Variants in ZNF428 observed in about 807,000 individuals in gnomAD.
ZNF428 encodes zinc finger protein 428.
Under a neutral mutation model 15.6 loss-of-function variants are expected in ZNF428, and 5 were observed. That is an observed-to-expected ratio of 0.32 (90% CI 0.17 to 0.67). The LOEUF is 0.67. ZNF428 is among the 30% of genes least tolerant of loss of function. The pLI, the probability that ZNF428 is intolerant of heterozygous loss-of-function variation, is 0.73. For missense variants in ZNF428, 237 were observed against 256.0 expected (o/e 0.93, Z 0.51); for synonymous variants, 97 against 102.2 (o/e 0.95, Z 0.31).
In ZNF428 at chr19:43,607,395, A is replaced by C. The variant is rs1737532459; in HGVS notation, c.*222T>G. 1 of 546,566 alleles carries C rather than the reference A, an allele frequency of 1.8e-6. No individual in the cohort carries two copies. The highest frequency in any genetic ancestry group is 3.9e-5 in the Admixed American group (1 of 25,624). The allele number at this position is 546,566 out of a possible 1,614,324, so 33.9% of individuals were successfully genotyped here. A position where few individuals can be genotyped will look rare whatever the true frequency, so the allele number is the denominator to read the frequency against. ...AATACACACACACACACACACACAC[A>C]AACACACACACGGGCGGGAATACAC... On this transcript the variant is annotated 3_prime_UTR_variant, in exon 3 of 3. Coordinates refer to ENST00000300811, the MANE Select transcript of ZNF428 (RefSeq NM_182498.4). The surrounding 1 kb of genome is among the most constrained non-coding windows in gnomAD (Gnocchi z 5.1).
chr19:43,612,487 G>A lies in ZNF428; in HGVS notation c.76+1742C>T, dbSNP rs1344804704. Reference sequence around the variant, plus strand: ...GGAGGGGCACACACAGCCGGGGTAGGACACCTGGCAGAAGGGGAAGCCGCA... The same window carrying A: ...GGAGGGGCACACACAGCCGGGGTAGAACACCTGGCAGAAGGGGAAGCCGCA... On this transcript the variant is annotated intron_variant, in intron 2 of 2. Coordinates refer to ENST00000300811, the MANE Select transcript of ZNF428 (RefSeq NM_182498.4). This position sits in a 1 kb window ranked among gnomAD's most constrained non-coding sequence, Gnocchi z 4.2. The A allele has an allele frequency of 1.0e-5, 16 of 1,551,254 alleles. No individual in the cohort carries two copies. The Admixed American group carries it at 3.1e-4, about 31-fold the overall frequency.
At chr19:43,616,505 A>C (rs1973373172) in intron 1 of ZNF428, among the ~76,000 whole-genome samples, 1 of 152,244 alleles carries the variant, frequency 6.6e-6, no homozygotes, top group South Asian at 2.1e-4. Flanking sequence ...AAACAGACAC[A>C]GAGGTGATAA....
chr19:43,608,886 C>A (rs1187791547), intron 2 of ZNF428, among the ~76,000 whole-genome samples: 3 of 147,268 alleles, frequency 2.0e-5, no homozygotes, highest in Non-Finnish European at 3.0e-5. Flanking sequence ...CGAGATCACA[C>A]AACTGCACTC....
At chr19:43,608,135 G>C in intron 2 of ZNF428, 28 bp from the exon 3 acceptor site, 1 of 1,591,312 alleles carries the variant, frequency 6.3e-7, no homozygotes, top group Non-Finnish European at 8.6e-7. Context: ...GGGGAAGACA[G>C]TGGTATCAGA....
In ZNF428 at chr19:43,607,572, TCCCAC is replaced by T; in HGVS notation, c.*40_*44del. 8.8e-7 allele frequency: 1 copy of T among 1,129,986 alleles called. No individual in the cohort carries two copies. The highest frequency in any genetic ancestry group is 1.2e-6 in the Non-Finnish European group (1 of 810,574). The allele number at this position is 1,129,986 out of a possible 1,614,324, so 70.0% of individuals were successfully genotyped here. ...AACCCCAATTTCCTCAGCCCCCTCC[TCCCAC>T]CCCACCCCTTCTGCCAAGCTCCCCG... is the stretch of plus-strand genomic sequence containing the variant. On this transcript the variant is annotated 3_prime_UTR_variant, in exon 3 of 3. Coordinates refer to ENST00000300811, the MANE Select transcript of ZNF428 (RefSeq NM_182498.4). This position sits in a 1 kb window ranked among gnomAD's most constrained non-coding sequence, Gnocchi z 5.1.
rs2146111465 is a variant in ZNF428 at position 43,607,351 on chromosome 19, CAAG to C, written c.*263_*265del. The C allele has an allele frequency of 7.2e-6, 3 of 419,492 alleles. No homozygotes were observed. The highest frequency in any genetic ancestry group is 4.1e-5 in the African/African-American group (2 of 48,754). 26.0% of individuals were successfully genotyped at this position (419,492 alleles called of 1,614,324 possible). A position where few individuals can be genotyped will look rare whatever the true frequency, so the allele number is the denominator to read the frequency against. On this transcript the variant is annotated 3_prime_UTR_variant, in exon 3 of 3. Coordinates refer to ENST00000300811, the MANE Select transcript of ZNF428 (RefSeq NM_182498.4). This position sits in a 1 kb window ranked among gnomAD's most constrained non-coding sequence, Gnocchi z 5.1. ...TTTCCCAAAAGACCCCAAGGTTCCC[CAAG>C]AAGGAGCCCAGGGGGAATACACACA... is the stretch of plus-strand genomic sequence containing the variant.
chr19:43,612,546 C>G lies in ZNF428; in HGVS notation c.76+1683G>C. 1 of 1,551,528 alleles carries G rather than the reference C, an allele frequency of 6.4e-7. No homozygotes were observed. The highest frequency in any genetic ancestry group is 8.7e-7 in the Non-Finnish European group (1 of 1,146,986). Reference sequence around the variant, plus strand: ...AGGTCACCCAGCAGGGCCAGCACTCCTGGCAGGATAAGAACTCATGGTGCC... The same window carrying G: ...AGGTCACCCAGCAGGGCCAGCACTCGTGGCAGGATAAGAACTCATGGTGCC... On this transcript the variant is annotated intron_variant, in intron 2 of 2. Coordinates refer to ENST00000300811, the MANE Select transcript of ZNF428 (RefSeq NM_182498.4). This position sits in a 1 kb window ranked among gnomAD's most constrained non-coding sequence, Gnocchi z 4.2.
At chr19:43,611,369 G>A (rs1973295406) in intron 2 of ZNF428, among the ~76,000 whole-genome samples, 1 of 151,938 alleles carries the variant, frequency 6.6e-6, no homozygotes, top group Non-Finnish European at 1.5e-5. Context: ...ACCCAGGCTG[G>A]CGTGCAATGG....
rs1382291442 is a variant in ZNF428 at position 43,612,836 on chromosome 19, T to C, written c.76+1393A>G. ...GAGTGACAACCCATCTCCATCCTCATCAAGGAAGGTGAAGAGCTACGGTCA... is the reference window on the plus strand; with the variant it reads ...GAGTGACAACCCATCTCCATCCTCACCAAGGAAGGTGAAGAGCTACGGTCA... On this transcript the variant is annotated intron_variant, in intron 2 of 2. Transcript: ENST00000300811. This position sits in a 1 kb window ranked among gnomAD's most constrained non-coding sequence, Gnocchi z 4.2. The C allele has an allele frequency of 5.2e-6, 8 of 1,551,460 alleles. No homozygotes were observed.
At position 43,611,947 on chromosome 19, in the gene ZNF428, C is replaced by G. The variant is rs998721528; in HGVS notation, c.76+2282G>C. 6.5e-6 allele frequency: 4 copies of G among 618,296 alleles called. No homozygotes were observed. The Admixed American group carries it at 8.9e-5, about 14-fold the overall frequency. The allele number at this position is 618,296 out of a possible 1,614,324, so 38.3% of individuals were successfully genotyped here. On this transcript the variant is annotated intron_variant, in intron 2 of 2. Transcript: ENST00000300811. ...AATATCTCCAGCCTCAGGCTGGGAC[C>G]CCTCCCCTCTCTCCTCCCACCTCTG...
In ZNF428 at chr19:43,607,677, G is replaced by A; in HGVS notation, c.507C>T (p.Ser169=). ...CGTGCAGCTCCCCCAGGTTGTCGAA[G>A]GAATCCTCACATTCCGTACAGTGGT... ...GTYHCTECED[S]FDNLGELHGH... is the part of the protein sequence containing the mutation. The change falls in exon 3 of 3, where the codon TCC becomes TCT. Residue 169 remains serine, a synonymous_variant. Coordinates refer to ENST00000300811, the MANE Select transcript of ZNF428 (RefSeq NM_182498.4). This position sits in a 1 kb window ranked among gnomAD's most constrained non-coding sequence, Gnocchi z 5.1. 20 of 1,612,290 alleles carry A rather than the reference G, an allele frequency of 1.2e-5. No individual in the cohort carries two copies. The highest frequency in any genetic ancestry group is 1.7e-5 in the Non-Finnish European group (20 of 1,178,922).
rs560224355 is a variant in ZNF428, at chr19:43,611,101, C to T, written c.77-2994G>A. ...TCCCAGCCAGGTCTCTCTCCAGCTT[C>T]CCCTGCCCCAGCACCTCCTCCTGTT... On this transcript the variant is annotated intron_variant, in intron 2 of 2. Coordinates refer to ENST00000300811, the MANE Select transcript of ZNF428 (RefSeq NM_182498.4). Among the ~76,000 whole-genome samples the T allele has an allele frequency of 1.2e-4, 19 of 152,288 alleles. No individual in the cohort carries two copies. In the South Asian group the frequency reaches 3.9e-3, roughly 32 times the overall value.
At chr19:43,619,272 G>A (rs1286348236) in intron 1 of ZNF428, among the ~76,000 whole-genome samples, 1 of 152,004 alleles carries the variant, frequency 6.6e-6, no homozygotes, top group Non-Finnish European at 1.5e-5. Context: ...GCAGGTGTGG[G>A]ATAAAAGGAA....
In ZNF428 at chr19:43,608,940, C is replaced by CAA. The variant is rs201526533; in HGVS notation, c.77-835_77-834dup. Among the ~76,000 whole-genome samples, 416 of 62,382 alleles carry CAA rather than the reference C, an allele frequency of 6.7e-3. 3 individuals carry two copies. Among genetic ancestry groups the CAA allele is most frequent in the African/African-American group, 0.021 (391 of 18,206 alleles). 40.9% of individuals were successfully genotyped at this position (62,382 alleles called of 152,430 possible). On this transcript the variant is annotated intron_variant, in intron 2 of 2. Coordinates refer to ENST00000300811, the MANE Select transcript of ZNF428 (RefSeq NM_182498.4). ...AAGACTCTGCTGTCTTAGAAAAAAG[C>CAA]AAAAAAAAAAAAAAAAAATTATTTG...
Position 43,612,987 on chromosome 19 carries a change from G to T in ZNF428, c.76+1242C>A, listed in dbSNP as rs778364982. Reference sequence around the variant, plus strand: ...CACAGCCAATCTAGAAGCCCCAGAAGGTCAAGAAGTGGCAGTCAGAAGAGG... The same window carrying T: ...CACAGCCAATCTAGAAGCCCCAGAATGTCAAGAAGTGGCAGTCAGAAGAGG... On this transcript the variant is annotated intron_variant, in intron 2 of 2. Transcript: ENST00000300811. This position sits in a 1 kb window ranked among gnomAD's most constrained non-coding sequence, Gnocchi z 4.2. The T allele has an allele frequency of 1.5e-5, 24 of 1,551,468 alleles. 1 individual carries two copies. The Admixed American group carries it at 2.7e-4, about 18-fold the overall frequency.
chr19:43,612,659 A>T lies in ZNF428; in HGVS notation c.76+1570T>A. The stretch of plus-strand genomic sequence containing the variant: ...GAGTTACGGCCGGCCTAGAACCAGC[A>T]ACAGGGAAAGGAGTGACAGCCAGCC... On this transcript the variant is annotated intron_variant, in intron 2 of 2. Transcript: ENST00000300811. The surrounding 1 kb of genome is among the most constrained non-coding windows in gnomAD (Gnocchi z 4.2). 1 of 1,551,500 alleles carries T rather than the reference A, an allele frequency of 6.4e-7. No individual in the cohort carries two copies. Among genetic ancestry groups the T allele is most frequent in the Non-Finnish European group, 8.7e-7 (1 of 1,146,980 alleles).
rs771703437 is a variant in ZNF428 at position 43,613,693 on chromosome 19, T to C, written c.76+536A>G. Reference sequence around the variant, plus strand: ...GCAAAGAGAGAGATCACAGACGATCTAGAAGCCCCAGCAAGGAGAGACAGC... The same window carrying C: ...GCAAAGAGAGAGATCACAGACGATCCAGAAGCCCCAGCAAGGAGAGACAGC... On this transcript the variant is annotated intron_variant, in intron 2 of 2. Transcript: ENST00000300811. The C allele has an allele frequency of 7.1e-5, 110 of 1,551,072 alleles. No homozygotes were observed. The South Asian group carries it at 1.2e-3, about 17-fold the overall frequency.
chr19:43,617,217 TTC>T (rs1253101237), intron 1 of ZNF428, among the ~76,000 whole-genome samples: 6 of 152,006 alleles, frequency 3.9e-5, no homozygotes, highest in Admixed American at 6.6e-5. Flanking sequence ...CTTCTGTGAC[TTC>T]TCTCTCTCCC....
chr19:43,613,940 C>G, intron 2 of ZNF428: 1 of 1,551,654 alleles, frequency 6.4e-7, no homozygotes, highest in Admixed American at 2.0e-5. Flanking sequence ...TGGTTACAGT[C>G]GACCTAGAGC....
Sources: gnomAD v4.1 joint callset for allele counts (sites outside exome capture counted in the v4.1 genomes callset) on GRCh38, gnomAD v4.1.1 for gene constraint, Gnocchi (gnomAD v3.1) non-coding constraint, MANE v1.5 for transcripts, NCBI Gene and HGNC (gene_info 2026-07-23, HGNC 2026-07-21) for gene names.